The following SNTG1 variants were observed in gnomAD, a reference collection of about 807,000 sequenced individuals.
SNTG1 encodes the protein gamma-1-syntrophin.
A neutral mutation model predicts 74.7 loss-of-function variants in SNTG1; 39 were observed. The observed-to-expected ratio is 0.52, with a 90% confidence interval of 0.40 to 0.68. The LOEUF is 0.68. Ranked by LOEUF, SNTG1 falls within the 30% of genes least tolerant of loss-of-function variation. The pLI is 0.00. For missense variants in SNTG1, 685 were observed against 609.5 expected (o/e 1.12, Z -1.30); for synonymous variants, 254 against 217.1 (o/e 1.17, Z -1.49).
chr8:50,232,835 C>T (rs1302246514), intron 2 of SNTG1, among the ~76,000 whole-genome samples: 5 of 151,368 alleles, frequency 3.3e-5, no homozygotes, highest in Admixed American at 3.3e-4. Context: ...CTTACAATTG[C>T]TCAAAAAATG....
chr8:50,362,321 A>G (rs1480301487), intron 2 of SNTG1, among the ~76,000 whole-genome samples: 2 of 152,200 alleles, frequency 1.3e-5, no homozygotes, highest in Admixed American at 1.3e-4. Flanking sequence ...CAGTAAACAT[A>G]TACACAAAAC....
At chr8:49,945,061 T>A (rs1268452971) in intron 1 of SNTG1, among the ~76,000 whole-genome samples, 1 of 152,232 alleles carries the variant, frequency 6.6e-6, no homozygotes, top group Non-Finnish European at 1.5e-5. Context: ...GTATTTGGTA[T>A]TGTTTTCCAT....
intron 18 of SNTG1, among the ~76,000 whole-genome samples, chr8:50,792,208 TTAC>T (rs2095692963): frequency 6.6e-6 from 1 of 151,834 alleles, no homozygotes; most frequent in South Asian, 2.1e-4. Flanking sequence ...TCATATCCCC[TTAC>T]TTCTAGCATT....
chr8:50,536,581 G>A (rs2094308752), intron 10 of SNTG1, 97 bp from the exon 11 acceptor site: 2 of 1,423,350 alleles, frequency 1.4e-6, no homozygotes, highest in Admixed American at 4.3e-5. Flanking sequence ...TGATCATTTA[G>A]GGGAAAAATA....
At chr8:50,578,424 AG>A in intron 12 of SNTG1, among the ~76,000 whole-genome samples, 1 of 3,262 alleles carries the variant, frequency 3.1e-4, no homozygotes, top group Non-Finnish European at 5.3e-4. Flanking sequence ...TGAGAGAGAA[AG>A]AGAGAGAGAG....
intron 13 of SNTG1, among the ~76,000 whole-genome samples, chr8:50,614,735 G>T (rs1215159358): frequency 1.3e-5 from 2 of 151,948 alleles, no homozygotes; most frequent in African/African-American, 2.4e-5. Flanking sequence ...TATTGAAAAT[G>T]AAATTTCAAA....
rs549032030 is a variant in SNTG1 at position 50,454,223 on chromosome 8, G to A, written c.363+3494G>A. 2.8e-3 allele frequency among the ~76,000 whole-genome samples: 432 copies of A among 152,272 alleles called. 3 individuals are homozygous for A. The highest frequency in any genetic ancestry group is 9.9e-3 in the African/African-American group (410 of 41,556). On this transcript the variant is annotated intron_variant, in intron 8 of 18. Coordinates refer to ENST00000642720, the MANE Select transcript of SNTG1 (RefSeq NM_018967.5). ...ATATCAAGAATTATCTGGGCCAGGT[G>A]CGGTGGCTCATGCCTGTAATCCCAG...
intron 12 of SNTG1, among the ~76,000 whole-genome samples, chr8:50,562,758 T>C (rs1382091017): frequency 1.3e-5 from 2 of 152,314 alleles, no homozygotes; most frequent in East Asian, 3.9e-4. Context: ...ATGTCATATG[T>C]AGCTTTTTCA....
chr8:50,194,382 C>T (rs2083687299), intron 2 of SNTG1, among the ~76,000 whole-genome samples: 1 of 151,992 alleles, frequency 6.6e-6, no homozygotes, highest in Non-Finnish European at 1.5e-5. Flanking sequence ...TCTAATTCTT[C>T]TTGATTTAAG....
At chr8:49,998,773 G>A (rs1466317954) in intron 1 of SNTG1, among the ~76,000 whole-genome samples, 2 of 152,064 alleles carry the variant, frequency 1.3e-5, no homozygotes, top group African/African-American at 4.8e-5. Context: ...GATACTTCCT[G>A]AAGGACCTAA....
At chr8:50,126,663 C>T (rs1479278594) in intron 1 of SNTG1, among the ~76,000 whole-genome samples, 1 of 151,756 alleles carries the variant, frequency 6.6e-6, no homozygotes, top group Non-Finnish European at 1.5e-5. Flanking sequence ...ATATATAACA[C>T]AGATCCCAAT....
Position 50,647,726 on chromosome 8 carries a change from A to G in SNTG1, c.850-9183A>G, listed in dbSNP as rs1411057311. On this transcript the variant is annotated intron_variant, in intron 13 of 18. Coordinates refer to ENST00000642720, the MANE Select transcript of SNTG1 (RefSeq NM_018967.5). ...CACATATGGGGCATGTTTTGTGATA[A>G]TGATACATTTAATTTAAAGTGAACA... Among the ~76,000 whole-genome samples, 4 of 152,334 alleles carry G rather than the reference A, an allele frequency of 2.6e-5. No homozygotes were observed. The East Asian group carries it at 7.7e-4, about 29-fold the overall frequency.
At chr8:50,546,624 C>T (rs185334877) in intron 11 of SNTG1, among the ~76,000 whole-genome samples, 3 of 148,430 alleles carry the variant, frequency 2.0e-5, no homozygotes, top group African/African-American at 7.4e-5. Flanking sequence ...TGAGTGAGAA[C>T]ATGCGGTGTT....
At chr8:49,931,310 C>T (rs1807567822) in intron 1 of SNTG1, among the ~76,000 whole-genome samples, 1 of 152,054 alleles carries the variant, frequency 6.6e-6, no homozygotes, top group African/African-American at 2.4e-5. Context: ...GGGACTGTAC[C>T]CTGAAGAAAC....
intron 13 of SNTG1, among the ~76,000 whole-genome samples, chr8:50,620,058 C>G (rs1241007317): frequency 2.6e-5 from 4 of 152,116 alleles, no homozygotes; most frequent in African/African-American, 9.7e-5. Context: ...TTGGGCTAAT[C>G]CAGGTGTGGG....
intron 2 of SNTG1, among the ~76,000 whole-genome samples, chr8:50,318,564 T>A (rs1181419702): frequency 2.0e-5 from 3 of 152,164 alleles, no homozygotes; most frequent in Non-Finnish European, 2.9e-5. Flanking sequence ...ACTCCCACGG[T>A]AAGACTCTGC....
At chr8:50,627,573 A>G (rs1027756408) in intron 13 of SNTG1, among the ~76,000 whole-genome samples, 3 of 151,410 alleles carry the variant, frequency 2.0e-5, no homozygotes, top group Non-Finnish European at 4.4e-5. Flanking sequence ...CTGTTATGGC[A>G]ACACAAAACA....
chr8:50,502,655 A>C (rs545501104), intron 8 of SNTG1, 123 bp from the exon 9 acceptor site: 1 of 705,818 alleles, frequency 1.4e-6, no homozygotes, highest in South Asian at 2.2e-5. Flanking sequence ...ATCTTTTATA[A>C]AATGTTTCTG....
At chr8:50,330,868 T>A (rs1345942308) in intron 2 of SNTG1, among the ~76,000 whole-genome samples, 1 of 152,100 alleles carries the variant, frequency 6.6e-6, no homozygotes, top group Non-Finnish European at 1.5e-5. Context: ...AAGAACAGAA[T>A]AGGAAAAACT....
Sources: allele counts gnomAD v4.1 joint callset (sites outside exome capture counted in the v4.1 genomes callset), GRCh38; gene constraint gnomAD v4.1.1; transcripts MANE v1.5; gene names NCBI Gene and HGNC (gene_info 2026-07-23, HGNC 2026-07-21).